Variants in PPARGC1A observed in about 807,000 individuals in gnomAD.
PPARGC1A encodes the protein PPARG coactivator 1 alpha.
A neutral mutation model predicts 88.7 loss-of-function variants in PPARGC1A; 25 were observed. The ratio of observed to expected loss-of-function variants is 0.28; its 90% CI spans 0.21 to 0.39. PPARGC1A has a LOEUF of 0.39. Ranked by LOEUF, PPARGC1A falls within the 10% of genes least tolerant of loss-of-function variation. The probability of loss-of-function intolerance (pLI) is 1.00; values close to 1 mark genes in which losing one functional copy is unlikely to be tolerated. For synonymous variants in PPARGC1A, 363 were observed against 355.6 expected (o/e 1.02, Z -0.24); for missense variants, 880 against 968.7 (o/e 0.91, Z 1.22).
the PPARGC1A span, among the ~76,000 whole-genome samples, chr4:24,180,273 G>A: frequency 2.6e-5 from 4 of 152,058 alleles, no homozygotes; most frequent in Non-Finnish European, 5.9e-5. Flanking sequence ...GTTATCTACT[G>A]AGCATCTTTC....
At chr4:24,392,083 C>T in the PPARGC1A span, among the ~76,000 whole-genome samples, 5 of 152,194 alleles carry the variant, frequency 3.3e-5, no homozygotes, top group East Asian at 7.7e-4. Flanking sequence ...TATAGAAAAC[C>T]TGATAGTAAG....
chr4:24,447,534 G>A, the PPARGC1A span, among the ~76,000 whole-genome samples: 1 of 152,230 alleles, frequency 6.6e-6, no homozygotes, highest in African/African-American at 2.4e-5. Context: ...TGCCTCTGCA[G>A]AGCCCAGTCC....
At chr4:24,269,042 A>G in the PPARGC1A span, among the ~76,000 whole-genome samples, 1 of 152,192 alleles carries the variant, frequency 6.6e-6, no homozygotes, top group African/African-American at 2.4e-5. Flanking sequence ...GATTGAATTA[A>G]GATATGTAAC....
chr4:24,410,928 C>T, the PPARGC1A span, among the ~76,000 whole-genome samples: 2,659 of 152,282 alleles, frequency 0.017, 40 homozygotes, highest in Middle Eastern at 0.041. Flanking sequence ...CTTCCTTGCT[C>T]CTCACCTTGC....
the PPARGC1A span, among the ~76,000 whole-genome samples, chr4:24,247,767 G>A: frequency 2.6e-5 from 4 of 152,102 alleles, no homozygotes; most frequent in East Asian, 7.7e-4. Flanking sequence ...GAGTTGCAGG[G>A]CCCATTTCAC....
At chr4:24,240,146 T>C in the PPARGC1A span, among the ~76,000 whole-genome samples, 1 of 152,122 alleles carries the variant, frequency 6.6e-6, no homozygotes, top group African/African-American at 2.4e-5. Flanking sequence ...TACCCATAAT[T>C]TTCTGGAAAG....
chr4:24,226,721 G>C, the PPARGC1A span, among the ~76,000 whole-genome samples: 3 of 152,208 alleles, frequency 2.0e-5, no homozygotes, highest in African/African-American at 7.2e-5. Context: ...CAACCTGCCA[G>C]CGCTGGGCTG....
intron 2 of PPARGC1A, among the ~76,000 whole-genome samples, chr4:23,864,546 G>C (rs1731811284): frequency 6.6e-6 from 1 of 152,200 alleles, no homozygotes; most frequent in South Asian, 2.1e-4. Context: ...GAGTTACTGA[G>C]GGTTCAAAGG....
the PPARGC1A span, among the ~76,000 whole-genome samples, chr4:24,237,355 G>C: frequency 6.6e-6 from 1 of 152,038 alleles, no homozygotes; most frequent in African/African-American, 2.4e-5. Context: ...AATTGAGATG[G>C]AGGTCATAAG....
At chr4:24,206,597 TGAG>T in the PPARGC1A span, among the ~76,000 whole-genome samples, 3 of 152,096 alleles carry the variant, frequency 2.0e-5, no homozygotes, top group Non-Finnish European at 4.4e-5. Flanking sequence ...TTTGGGAGGC[TGAG>T]GCAGGTTGAT....
chr4:24,210,916 T>C, the PPARGC1A span, among the ~76,000 whole-genome samples: 6 of 152,178 alleles, frequency 3.9e-5, no homozygotes. Flanking sequence ...TTCTCTGGCA[T>C]TTTCTGACTC....
chr4:24,213,155 G>T, the PPARGC1A span, among the ~76,000 whole-genome samples: 1 of 139,842 alleles, frequency 7.2e-6, no homozygotes, highest in African/African-American at 2.7e-5. Context: ...GGGCACAACT[G>T]ATTATTTTCC....
the PPARGC1A span, among the ~76,000 whole-genome samples, chr4:24,227,783 T>C: frequency 2.0e-5 from 3 of 152,080 alleles, no homozygotes; most frequent in African/African-American, 7.2e-5. Context: ...AAATCAGACA[T>C]TAATGAAAAA....
chr4:23,820,680 G>C (rs1438879603), intron 7 of PPARGC1A: 1 of 409,004 alleles, frequency 2.4e-6, no homozygotes, highest in African/African-American at 2.1e-5. Context: ...AAATGAGCTA[G>C]TTTAGGACAA....
the PPARGC1A span, among the ~76,000 whole-genome samples, chr4:24,141,602 C>A: frequency 4.6e-5 from 7 of 152,202 alleles, no homozygotes; most frequent in Admixed American, 1.3e-4. Flanking sequence ...ATGCTTCCCC[C>A]CTTCCAATGC....
At chr4:23,955,226 G>C in the PPARGC1A span, among the ~76,000 whole-genome samples, 1 of 151,918 alleles carries the variant, frequency 6.6e-6, no homozygotes, top group Admixed American at 6.6e-5. Flanking sequence ...TTTAAAATGT[G>C]TTCAAAACAT....
chr4:24,211,832 T>C, the PPARGC1A span, among the ~76,000 whole-genome samples: 12 of 152,238 alleles, frequency 7.9e-5, no homozygotes, highest in Non-Finnish European at 1.8e-4. Flanking sequence ...ATGGCTGTAG[T>C]GTACTAACAA....
the PPARGC1A span, among the ~76,000 whole-genome samples, chr4:24,346,040 T>C: frequency 5.9e-5 from 9 of 152,210 alleles, no homozygotes; most frequent in East Asian, 1.9e-4. Flanking sequence ...GAGATGATCA[T>C]GTGATTTTTG....
chr4:23,946,520 G>T, the PPARGC1A span, among the ~76,000 whole-genome samples: 1 of 151,548 alleles, frequency 6.6e-6, no homozygotes, highest in Non-Finnish European at 1.5e-5. Context: ...CCAGTGCCCA[G>T]CTCAAAGGAC....
Sources: gnomAD v4.1 joint callset for allele counts (sites outside exome capture counted in the v4.1 genomes callset) on GRCh38, gnomAD v4.1.1 for gene constraint, MANE v1.5 for transcripts, NCBI Gene and HGNC (gene_info 2026-07-23, HGNC 2026-07-21) for gene names.